DCAF5: variants seen among roughly 807,000 people sequenced by gnomAD.
DCAF5 encodes DDB1 and CUL4 associated factor 5, also known as DDB1- and CUL4-associated factor 5.
DCAF5 carries 9 observed loss-of-function variants against 80.7 expected under a neutral mutation model. The observed-to-expected ratio is 0.11, with a 90% confidence interval of 0.07 to 0.19. The LOEUF is 0.19. DCAF5 is among the 10% of genes least tolerant of loss of function. The pLI is 1.00. For missense variants in DCAF5, 842 were observed against 1,205.7 expected (o/e 0.70, Z 4.47); for synonymous variants, 433 against 461.9 (o/e 0.94, Z 0.80).
intron 5 of DCAF5, among the ~76,000 whole-genome samples, chr14:69,112,594 TACACACACAC>T (rs3044674): frequency 5.0e-4 from 73 of 145,244 alleles, no homozygotes; most frequent in African/African-American, 1.6e-3. Context: ...TATATATGTA[TACACACACAC>T]ACACACACAC....
intron 6 of DCAF5, chr14:69,085,238 T>C: frequency 1.4e-6 from 1 of 712,232 alleles, no homozygotes. Context: ...CCTCCCTTTG[T>C]TGATCTGAAC....
chr14:69,139,267 C>T (rs2041286040), intron 1 of DCAF5, among the ~76,000 whole-genome samples: 1 of 151,406 alleles, frequency 6.6e-6, no homozygotes, highest in Non-Finnish European at 1.5e-5. Context: ...GGGAAGATCG[C>T]TTGAGGCCAG....
At chr14:69,070,849 G>A (rs2139882573) in intron 7 of DCAF5, among the ~76,000 whole-genome samples, 1 of 151,070 alleles carries the variant, frequency 6.6e-6, no homozygotes, top group South Asian at 2.1e-4. Context: ...CCAGGCTGGA[G>A]TGCAGCGGTG....
intron 3 of DCAF5, 75 bp downstream of exon 3, chr14:69,119,119 A>T: frequency 6.8e-7 from 1 of 1,471,126 alleles, no homozygotes; most frequent in Non-Finnish European, 9.3e-7. Flanking sequence ...AAACTATTTT[A>T]GTCTAAAGAG....
At chr14:69,057,198 A>G (rs2038011082) in intron 8 of DCAF5, among the ~76,000 whole-genome samples, 1 of 152,186 alleles carries the variant, frequency 6.6e-6, no homozygotes, top group African/African-American at 2.4e-5. Context: ...AAGCAGAATA[A>G]AATAAAGGGT....
intron 1 of DCAF5, among the ~76,000 whole-genome samples, chr14:69,142,792 T>G (rs898387199): frequency 6.6e-6 from 1 of 152,232 alleles, no homozygotes; most frequent in African/African-American, 2.4e-5. Context: ...TGACTGAAAT[T>G]CAGTCAAATG....
intron 1 of DCAF5, among the ~76,000 whole-genome samples, chr14:69,137,978 G>A (rs2041246072): frequency 6.6e-6 from 1 of 152,114 alleles, no homozygotes; most frequent in Admixed American, 6.5e-5. Context: ...GCAGTTGCAG[G>A]CATCCACTGC....
intron 6 of DCAF5, chr14:69,090,175 G>C (rs1172361211): frequency 1.1e-6 from 1 of 938,488 alleles, no homozygotes; most frequent in African/African-American, 1.8e-5. Context: ...AGCAAAGAAA[G>C]AAGGAAAAAA....
In DCAF5 at chr14:69,118,082, G is replaced by C; in HGVS notation, c.535+57C>G. 1 of 1,597,564 alleles carries C rather than the reference G, an allele frequency of 6.3e-7. No individual in the cohort carries two copies. Among genetic ancestry groups the C allele is most frequent in the Non-Finnish European group, 8.6e-7 (1 of 1,167,682 alleles). On this transcript the variant is annotated intron_variant, in intron 4 of 8. Transcript: ENST00000341516. This position sits in a 1 kb window ranked among gnomAD's most constrained non-coding sequence, Gnocchi z 4.0. ...TGAGGTAATAAATTGGATCTTCAAT[G>C]AATCTGACATCAAACTGTTCAACAC...
Position 69,054,267 on chromosome 14 carries a change from T to C in DCAF5, c.2419A>G (p.Ser807Gly). 1 of 1,614,236 alleles carries C rather than the reference T, an allele frequency of 6.2e-7. No individual in the cohort carries two copies. Among genetic ancestry groups the C allele is most frequent in the Non-Finnish European group, 8.5e-7 (1 of 1,180,032 alleles). ...VPKASGSTLNSGSGNCPRTQS... is the reference protein window; with the variant it reads ...VPKASGSTLNGGSGNCPRTQS... ...GTCCTGGGACAGTTGCCAGACCCGC[T>C]GTTGAGAGTGGAGCCAGATGCCTTG... The change falls in exon 9 of 9, where the codon AGC (serine) becomes GGC (glycine). Residue 807 changes from serine (S) to glycine (G), a missense_variant. Ser to Gly is a moderately conservative substitution (Grantham distance 56). Transcript: ENST00000341516.
intron 1 of DCAF5, among the ~76,000 whole-genome samples, chr14:69,135,724 T>C (rs900742162): frequency 2.6e-5 from 4 of 152,252 alleles, no homozygotes; most frequent in African/African-American, 9.6e-5. Context: ...GTATTCACCA[T>C]GGTGAACATA....
At chr14:69,086,173 A>G (rs2039312067) in intron 6 of DCAF5, among the ~76,000 whole-genome samples, 4 of 152,236 alleles carry the variant, frequency 2.6e-5, no homozygotes, top group African/African-American at 2.4e-5. Context: ...CCTGGCCAAC[A>G]TGACAAAACC....
intron 5 of DCAF5, among the ~76,000 whole-genome samples, chr14:69,102,154 G>T: frequency 6.7e-6 from 1 of 149,038 alleles, no homozygotes; most frequent in Admixed American, 6.7e-5. Flanking sequence ...TGTCACCCAG[G>T]CTGGAGTGCA....
chr14:69,072,623 T>TA (rs57781214), intron 7 of DCAF5, among the ~76,000 whole-genome samples: 127 of 116,440 alleles, frequency 1.1e-3, no homozygotes, highest in African/African-American at 3.0e-3. Context: ...ACCCTGACTT[T>TA]AAAAAAAAAA....
intron 1 of DCAF5, among the ~76,000 whole-genome samples, chr14:69,135,145 C>CA (rs36091340): frequency 4.9e-4 from 75 of 152,296 alleles, no homozygotes; most frequent in African/African-American, 1.7e-3. Context: ...TCTGCAAAGT[C>CA]AAAATTTTTT....
In DCAF5 at chr14:69,054,189, T is replaced by A. The variant is rs200578914; in HGVS notation, c.2497A>T (p.Asn833Tyr). Residue 833 changes from asparagine (N) to tyrosine (Y), a missense_variant, in exon 9 of 9, where the codon AAC (asparagine) becomes TAC (tyrosine). By Grantham distance (143) the Asn-to-Tyr change is moderately radical. Around this residue, in one of 5 missense-constraint regions of DCAF5, gnomAD observed 607 missense variants for 656.6 expected, o/e 0.92. Coordinates refer to ENST00000341516, the MANE Select transcript of DCAF5 (RefSeq NM_003861.3). Reference sequence around the variant, plus strand: ...GGACGAGGGTGTAAGCGTCCATTGTTGTGGTTGGCACAGATGGTTTCGAGG... The same window carrying A: ...GGACGAGGGTGTAAGCGTCCATTGTAGTGGTTGGCACAGATGGTTTCGAGG... ...RSLETICANHNNGRLHPRPPH... is the reference protein window; with the variant it reads ...RSLETICANHYNGRLHPRPPH... 2 of 1,614,240 alleles carry A rather than the reference T, an allele frequency of 1.2e-6. No individual in the cohort carries two copies. The highest frequency in any genetic ancestry group is 2.2e-5 in the South Asian group (2 of 91,090).
At chr14:69,153,180 G>C (rs2041762054), upstream of DCAF5, 1 of 424,936 alleles carries the variant, frequency 2.4e-6, no homozygotes, top group African/African-American at 2.1e-5. Flanking sequence ...TCCCCCCGAG[G>C]CTCCTCCCTC....
At chr14:69,066,731 G>A (rs2038458695) in intron 7 of DCAF5, among the ~76,000 whole-genome samples, 1 of 152,214 alleles carries the variant, frequency 6.6e-6, no homozygotes, top group South Asian at 2.1e-4. Context: ...TAAGGGAAAT[G>A]TGTATGTCCT....
At chr14:69,119,622 G>A (rs189552692) in intron 2 of DCAF5, among the ~76,000 whole-genome samples, 1 of 151,732 alleles carries the variant, frequency 6.6e-6, no homozygotes. Context: ...GGCTGAGGTG[G>A]AAGAATCGCT....
Sources: gnomAD v4.1 joint callset for allele counts (sites outside exome capture counted in the v4.1 genomes callset) on GRCh38, gnomAD v4.1.1 for gene constraint, gnomAD v4.1.1 regional missense constraint, Gnocchi (gnomAD v3.1) non-coding constraint, MANE v1.5 for transcripts, NCBI Gene and HGNC (gene_info 2026-07-23, HGNC 2026-07-21) for gene names.